TAF6: variants seen among roughly 807,000 people sequenced by gnomAD.
TAF6 encodes transcription initiation factor TFIID subunit 6.
In TAF6, 50 loss-of-function variants were observed where a neutral mutation model predicts 73.5. That is an observed-to-expected ratio of 0.68 (90% CI 0.54 to 0.86). The LOEUF is 0.86. Among genes scored for constraint, TAF6 ranks in the 40% least tolerant of loss-of-function variants. The pLI is 0.00. For synonymous variants in TAF6, 424 were observed against 376.7 expected (o/e 1.13, Z -1.45); for missense variants, 768 against 899.5 (o/e 0.85, Z 1.87).
the TAF6 span, chr7:100,125,052 A>C: frequency 2.7e-6 from 2 of 746,222 alleles, no homozygotes; most frequent in South Asian, 2.0e-5. Flanking sequence ...GTGAAACAGC[A>C]TGACATGGCT....
Position 100,111,197 on chromosome 7 carries a change from T to C in TAF6, c.1025A>G (p.Lys342Arg), listed in dbSNP as rs752915878. The C allele has an allele frequency of 2.5e-6, 4 of 1,614,070 alleles. No homozygotes were observed. In the African/African-American group the frequency reaches 5.3e-5, roughly 22 times the overall value. Residue 342 changes from lysine (K) to arginine (R), a missense_variant, in exon 10 of 15, where the codon AAG becomes AGG. Around this residue, in one of 5 missense-constraint regions of TAF6, gnomAD observed 69 missense variants for 105.4 expected, o/e 0.65. Transcript: ENST00000453269. ...GTTGTTAGTGGTTGTGCTAAAATGCTTGCAGATCTGGGCCACCAGGCGGGC... is the reference window on the plus strand; with the variant it reads ...GTTGTTAGTGGTTGTGCTAAAATGCCTGCAGATCTGGGCCACCAGGCGGGC... Reference protein sequence around the residue: ...FAARLVAQICKHFSTTTNNIQ... With the variant: ...FAARLVAQICRHFSTTTNNIQ...
chr7:100,125,447 ATAGTTT>A, the TAF6 span: 1 of 152,676 alleles, frequency 6.5e-6, no homozygotes, highest in Non-Finnish European at 1.5e-5. Flanking sequence ...AGCCCACCAT[ATAGTTT>A]TATAGGTGCT....
intron 14 of TAF6, 25 bp downstream of exon 14, chr7:100,107,901 C>T (rs748317927): frequency 3.2e-6 from 5 of 1,581,464 alleles, no homozygotes; most frequent in Non-Finnish European, 4.3e-6. Flanking sequence ...CCTCCAGATG[C>T]TCCCTGTCCC....
At chr7:100,113,239 C>A (rs1584556856) in intron 5 of TAF6, 110 bp downstream of exon 5, 1 of 1,062,374 alleles carries the variant, frequency 9.4e-7, no homozygotes, top group Non-Finnish European at 1.3e-6. Context: ...TGCACTCCAG[C>A]ACTCCTGCAC....
At chr7:100,114,395 G>T in intron 1 of TAF6, 127 bp from the exon 2 acceptor site, 1 of 935,344 alleles carries the variant, frequency 1.1e-6, no homozygotes, top group Non-Finnish European at 1.7e-6. Flanking sequence ...ACGTGAGTCA[G>T]CCCTGAGGTG....
At chr7:100,112,297 GA>G (rs1211593673) in intron 6 of TAF6, 44 bp from the exon 7 acceptor site, 1 of 1,593,684 alleles carries the variant, frequency 6.3e-7, no homozygotes, top group Admixed American at 1.8e-5. Flanking sequence ...AGCTCCAGAA[GA>G]AACCTCAGTA....
chr7:100,124,566 A>G (rs1354051687), upstream of TAF6: 1 of 1,612,882 alleles, frequency 6.2e-7, no homozygotes, highest in African/African-American at 1.3e-5. Context: ...TGGTACTTCC[A>G]CCATCAGGAG....
At chr7:100,120,865 T>C (rs1021658498), upstream of TAF6, among the ~76,000 whole-genome samples, 2 of 151,986 alleles carry the variant, frequency 1.3e-5, no homozygotes, top group African/African-American at 2.4e-5. Flanking sequence ...ATCCTTGGTT[T>C]ATCTGTCCCA....
At chr7:100,123,205 G>A (rs1168771134), upstream of TAF6, among the ~76,000 whole-genome samples, 2 of 152,028 alleles carry the variant, frequency 1.3e-5, no homozygotes, top group African/African-American at 4.8e-5. Context: ...AGCTGGGCGT[G>A]GTGGTGCACG....
At chr7:100,117,055 G>A (rs945339751) in intron 1 of TAF6, among the ~76,000 whole-genome samples, 18 of 151,956 alleles carry the variant, frequency 1.2e-4, no homozygotes, top group Admixed American at 1.1e-3. Flanking sequence ...AGACCATCCT[G>A]GCCAACATGG....
rs541472456 is a variant in TAF6, at chr7:100,111,954, G to A, written c.766C>T (p.Leu256=). Residue 256 remains leucine (L), a synonymous_variant, in exon 8 of 15, where the codon CTG becomes TTG. Coordinates refer to ENST00000453269, the MANE Select transcript of TAF6 (RefSeq NM_139315.3). ...IATDPGLYQM[L]PRFSTFISEG... ...GAGATAAAGGTACTGAACCGTGGCA[G>A]CATCTGATACAGTCCAGGGTCCGTG... 5.0e-6 allele frequency: 8 copies of A among 1,614,136 alleles called. No individual in the cohort carries two copies. The South Asian group carries it at 7.7e-5, about 16-fold the overall frequency.
In TAF6 at chr7:100,110,240, C is replaced by G; in HGVS notation, c.1118G>C (p.Arg373Pro). 1 of 1,614,112 alleles carries G rather than the reference C, an allele frequency of 6.2e-7. No homozygotes were observed. Among genetic ancestry groups the G allele is most frequent in the Non-Finnish European group, 8.5e-7 (1 of 1,180,004 alleles). ...WVDEKTPWTTRYGSIAGLAEL... is the reference protein window; with the variant it reads ...WVDEKTPWTTPYGSIAGLAEL... ...AGCCAAGCCTGCGATGGAGCCATAA[C>G]GAGTCGTCCAGGGCGTCTTCTCGTC... Residue 373 changes from arginine (R) to proline (P), a missense_variant, in exon 11 of 15, where the codon CGT becomes CCT. Arg to Pro is a moderately radical substitution (Grantham distance 103, BLOSUM62 -2). Around this residue, in one of 5 missense-constraint regions of TAF6, gnomAD observed 69 missense variants for 105.4 expected, o/e 0.65. Transcript: ENST00000453269.
rs1796703040 is a variant in TAF6 at position 100,107,824 on chromosome 7, C to G, written c.1656+102G>C. ...GGTGGGCGCCTCTTCCAGCTCTTGACTTGGGGCCCAGAGGGGACTGTGCTC... is the reference window on the plus strand; with the variant it reads ...GGTGGGCGCCTCTTCCAGCTCTTGAGTTGGGGCCCAGAGGGGACTGTGCTC... On this transcript the variant is annotated intron_variant, in intron 14 of 14. Transcript: ENST00000453269. 4 of 1,455,374 alleles carry G rather than the reference C, an allele frequency of 2.7e-6. No individual in the cohort carries two copies. In the East Asian group the frequency reaches 9.4e-5, roughly 34 times the overall value. 90.2% of individuals were successfully genotyped at this position (1,455,374 alleles called of 1,614,324 possible).
upstream of TAF6, chr7:100,124,805 G>T (rs1477095982): frequency 6.2e-7 from 1 of 1,613,100 alleles, no homozygotes. Context: ...GCAGGAGGAG[G>T]AGGAGGAAGA....
At chr7:100,126,078 C>T in the TAF6 span, among the ~76,000 whole-genome samples, 3 of 152,140 alleles carry the variant, frequency 2.0e-5, no homozygotes, top group African/African-American at 7.2e-5. Context: ...CCCAGCTACT[C>T]GGGAGGCTGA....
At chr7:100,117,887 G>GA (rs1797800405) in intron 1 of TAF6, among the ~76,000 whole-genome samples, 1 of 151,384 alleles carries the variant, frequency 6.6e-6, no homozygotes, top group African/African-American at 2.4e-5. Context: ...CTAAAAAATA[G>GA]AAAAAATTAG....
chr7:100,111,276 G>C lies in TAF6; in HGVS notation c.946C>G (p.Gln316Glu). 1 of 1,614,238 alleles carries C rather than the reference G, an allele frequency of 6.2e-7. No individual in the cohort carries two copies. Among genetic ancestry groups the C allele is most frequent in the Non-Finnish European group, 8.5e-7 (1 of 1,180,046 alleles). ...TCCACATCTGGTCGCAGGCACAACT[G>C]TCTGCTCACGATGCAGGTCATCACA... ...PAVMTCIVSR[Q>E]LCLRPDVDNH... The change falls in exon 10 of 15, where the codon CAG (glutamine) becomes GAG (glutamate). Residue 316 changes from glutamine (Q) to glutamate (E), a missense_variant. By Grantham distance (29) the Gln-to-Glu change is conservative. This residue lies in a region of TAF6 where 78 missense variants were observed against 153.4 expected (regional missense o/e 0.51). Transcript: ENST00000453269.
chr7:100,119,441 G>T, upstream of TAF6: 2 of 1,271,698 alleles, frequency 1.6e-6, no homozygotes, highest in Admixed American at 4.1e-5. Context: ...TAGGCTCGCA[G>T]AATGAAATTA....
chr7:100,113,838 A>ACCC, intron 3 of TAF6, 30 bp downstream of exon 3: 1 of 1,490,342 alleles, frequency 6.7e-7, no homozygotes, highest in Non-Finnish European at 9.2e-7. Flanking sequence ...ATGGCGTCTC[A>ACCC]CCCCCCCCCC....
Sources: gnomAD v4.1 joint callset for allele counts (sites outside exome capture counted in the v4.1 genomes callset) on GRCh38, gnomAD v4.1.1 for gene constraint, gnomAD v4.1.1 regional missense constraint, MANE v1.5 for transcripts, NCBI Gene and HGNC (gene_info 2026-07-23, HGNC 2026-07-21) for gene names.